Variants in MOB3B observed in about 807,000 individuals in gnomAD.
MOB3B encodes MOB kinase activator 3B.
Under a neutral mutation model 18.7 loss-of-function variants are expected in MOB3B, and 7 were observed. That is an observed-to-expected ratio of 0.37 (90% CI 0.21 to 0.70). The LOEUF (loss-of-function observed/expected upper bound fraction) is 0.70. Ranked by LOEUF, MOB3B falls within the 30% of genes least tolerant of loss-of-function variation. MOB3B has a pLI of 0.52. For synonymous variants in MOB3B, 111 were observed against 99.9 expected (o/e 1.11, Z -0.66); for missense variants, 253 against 281.3 (o/e 0.90, Z 0.72).
At chr9:27,360,000 T>G (rs1046614066) in intron 2 of MOB3B, among the ~76,000 whole-genome samples, 3 of 152,224 alleles carry the variant, frequency 2.0e-5, no homozygotes, top group Non-Finnish European at 2.9e-5. Flanking sequence ...GAATTCTTAC[T>G]CTGCTCCCCT....
intron 2 of MOB3B, among the ~76,000 whole-genome samples, chr9:27,374,571 G>C (rs1025209363): frequency 1.3e-5 from 2 of 152,038 alleles, no homozygotes; most frequent in Non-Finnish European, 1.5e-5. Flanking sequence ...AGGAGGGAGA[G>C]GACAGAGGTG....
intron 3 of MOB3B, among the ~76,000 whole-genome samples, chr9:27,344,742 T>C (rs1182382528): frequency 1.3e-5 from 2 of 152,260 alleles, no homozygotes; most frequent in Admixed American, 1.3e-4. Context: ...TCTACTTTGA[T>C]TCTTGTGTAT....
chr9:27,483,480 T>G (rs1194329050), intron 1 of MOB3B, among the ~76,000 whole-genome samples: 1 of 152,192 alleles, frequency 6.6e-6, no homozygotes, highest in Non-Finnish European at 1.5e-5. Flanking sequence ...TTCAATAACA[T>G]TTTGTTTCAA....
At chr9:27,381,727 T>C (rs1821580139) in intron 2 of MOB3B, among the ~76,000 whole-genome samples, 1 of 152,164 alleles carries the variant, frequency 6.6e-6, no homozygotes, top group Admixed American at 6.5e-5. Flanking sequence ...GCTCATTGTA[T>C]CCTCAACCTC....
chr9:27,421,556 C>T (rs7030425), intron 2 of MOB3B: 8,192 of 152,394 alleles, frequency 0.054, 517 homozygotes, highest in East Asian at 0.15. Context: ...AACACCAGGC[C>T]GGGGGGCGGG....
intron 2 of MOB3B, among the ~76,000 whole-genome samples, chr9:27,363,035 C>T (rs997449018): frequency 6.6e-6 from 1 of 152,196 alleles, no homozygotes; most frequent in Non-Finnish European, 1.5e-5. Context: ...GAACAAGATA[C>T]AGCTTGCTGA....
chr9:27,447,391 A>G (rs116294296), intron 2 of MOB3B, among the ~76,000 whole-genome samples: 217 of 152,330 alleles, frequency 1.4e-3, no homozygotes, highest in African/African-American at 4.9e-3. Context: ...GAATGGAATA[A>G]AAGCAGCAGA....
intron 1 of MOB3B, among the ~76,000 whole-genome samples, chr9:27,476,193 G>A (rs1819550598): frequency 6.6e-6 from 1 of 152,158 alleles, no homozygotes; most frequent in Admixed American, 6.5e-5. Flanking sequence ...GTATTAGTTT[G>A]CTAGGCCTGC....
chr9:27,517,019 A>G (rs1049288191), intron 1 of MOB3B, among the ~76,000 whole-genome samples: 4 of 152,174 alleles, frequency 2.6e-5, no homozygotes, highest in African/African-American at 9.6e-5. Flanking sequence ...ATACCTAGCT[A>G]GAAAACTGAG....
chr9:27,348,266 A>G (rs1821058094), intron 3 of MOB3B, among the ~76,000 whole-genome samples: 1 of 152,194 alleles, frequency 6.6e-6, no homozygotes, highest in Non-Finnish European at 1.5e-5. Flanking sequence ...GGTCAAAGAA[A>G]AACATCACCA....
intron 1 of MOB3B, among the ~76,000 whole-genome samples, chr9:27,488,181 T>A (rs1451411216): frequency 6.6e-6 from 1 of 152,164 alleles, no homozygotes; most frequent in African/African-American, 2.4e-5. Context: ...GTTGTATCCA[T>A]GGGAGGCAGA....
At chr9:27,512,555 T>G (rs1820162929) in intron 1 of MOB3B, among the ~76,000 whole-genome samples, 1 of 152,154 alleles carries the variant, frequency 6.6e-6, no homozygotes, top group Non-Finnish European at 1.5e-5. Flanking sequence ...ATTTATTTAG[T>G]TTTTCTGTGA....
intron 1 of MOB3B, among the ~76,000 whole-genome samples, chr9:27,475,190 A>T (rs903487508): frequency 1.3e-5 from 2 of 152,256 alleles, no homozygotes; most frequent in Non-Finnish European, 2.9e-5. Flanking sequence ...TGAGGAGCAA[A>T]GGCCCTCAGG....
At chr9:27,332,051 G>C (rs1449851966) in intron 3 of MOB3B, among the ~76,000 whole-genome samples, 1 of 152,058 alleles carries the variant, frequency 6.6e-6, no homozygotes, top group Non-Finnish European at 1.5e-5. Flanking sequence ...AGGCTGGAGT[G>C]CAGTGGCAAC....
At position 27,342,957 on chromosome 9, in the gene MOB3B, C is replaced by T. The variant is rs188072861; in HGVS notation, c.622-12341G>A. Among the ~76,000 whole-genome samples, 1,303 of 150,690 alleles carry T rather than the reference C, an allele frequency of 8.6e-3. 27 individuals carry two copies. The highest frequency in any genetic ancestry group is 0.03 in the African/African-American group (1,206 of 40,390). Reference sequence around the variant, plus strand: ...CTGGGAAGTGAGGAGCCCCTCTGCCCGGCCGCCACCCCGTCTGGGAGGTAT... The same window carrying T: ...CTGGGAAGTGAGGAGCCCCTCTGCCTGGCCGCCACCCCGTCTGGGAGGTAT... On this transcript the variant is annotated intron_variant, in intron 3 of 3. Coordinates refer to ENST00000262244, the MANE Select transcript of MOB3B (RefSeq NM_024761.5).
chr9:27,409,158 A>G (rs1050680780), intron 2 of MOB3B, among the ~76,000 whole-genome samples: 2 of 152,228 alleles, frequency 1.3e-5, no homozygotes, highest in African/African-American at 4.8e-5. Context: ...CGTCCATTCA[A>G]CAGATATTAT....
At chr9:27,382,121 C>A (rs778122764) in intron 2 of MOB3B, among the ~76,000 whole-genome samples, 1 of 152,064 alleles carries the variant, frequency 6.6e-6, no homozygotes, top group Non-Finnish European at 1.5e-5. Flanking sequence ...TTCAAATGAG[C>A]GATGAAATGA....
At chr9:27,494,427 ATG>A (rs979214074) in intron 1 of MOB3B, among the ~76,000 whole-genome samples, 1 of 152,158 alleles carries the variant, frequency 6.6e-6, no homozygotes, top group Non-Finnish European at 1.5e-5. Flanking sequence ...CCCTACCGAC[ATG>A]TGATGTCTCC....
chr9:27,368,049 A>C (rs978852998), intron 2 of MOB3B, among the ~76,000 whole-genome samples: 1 of 152,186 alleles, frequency 6.6e-6, no homozygotes, highest in African/African-American at 2.4e-5. Context: ...AAAACCACTC[A>C]TTCTCAATAG....
Sources: allele counts gnomAD v4.1 joint callset (sites outside exome capture counted in the v4.1 genomes callset), GRCh38; gene constraint gnomAD v4.1.1; transcripts MANE v1.5; gene names NCBI Gene and HGNC (gene_info 2026-07-23, HGNC 2026-07-21).